Variants in DPYD observed in about 807,000 individuals in gnomAD.
DPYD encodes the protein dihydropyrimidine dehydrogenase [NADP(+)].
DPYD carries 109 observed loss-of-function variants against 116.2 expected under a neutral mutation model. The ratio of observed to expected loss-of-function variants is 0.94; its 90% CI spans 0.80 to 1.10. DPYD has a LOEUF of 1.10. Among genes scored for constraint, DPYD ranks in the 50% least tolerant of loss-of-function variants. The pLI, the probability that DPYD is intolerant of heterozygous loss-of-function variation, is 0.00. For missense variants in DPYD, 1,302 were observed against 1,254.5 expected (o/e 1.04, Z -0.57); for synonymous variants, 440 against 432.0 (o/e 1.02, Z -0.23).
chr1:97,374,517 G>A (rs1385990507), intron 15 of DPYD, among the ~76,000 whole-genome samples: 1 of 151,706 alleles, frequency 6.6e-6, no homozygotes, highest in Non-Finnish European at 1.5e-5. Flanking sequence ...TCAGGAGATC[G>A]AGATCATCCT....
chr1:97,316,327 TA>T (rs143551505), intron 16 of DPYD, among the ~76,000 whole-genome samples: 30,298 of 141,302 alleles, frequency 0.21, 3,311 homozygotes, highest in Middle Eastern at 0.27. Context: ...TTGTCTCTAG[TA>T]AAAGTAAAAA....
chr1:97,694,213 G>A (rs1302736534), intron 6 of DPYD, among the ~76,000 whole-genome samples: 1 of 152,182 alleles, frequency 6.6e-6, no homozygotes, highest in East Asian at 1.9e-4. Context: ...GCAAATCAGA[G>A]AAATATGAAA....
At chr1:97,263,624 A>T (rs183791741) in intron 18 of DPYD, among the ~76,000 whole-genome samples, 1 of 152,268 alleles carries the variant, frequency 6.6e-6, no homozygotes, top group East Asian at 1.9e-4. Flanking sequence ...AGTGGGAATC[A>T]GTAGTACACT....
chr1:97,107,435 T>A (rs1651250626), intron 20 of DPYD, among the ~76,000 whole-genome samples: 1 of 152,018 alleles, frequency 6.6e-6, no homozygotes, highest in Non-Finnish European at 1.5e-5. Flanking sequence ...TTTGTAGAGA[T>A]GATGAGGTAG....
At chr1:97,503,079 C>T (rs1679680682) in intron 13 of DPYD, among the ~76,000 whole-genome samples, 1 of 151,980 alleles carries the variant, frequency 6.6e-6, no homozygotes, top group Non-Finnish European at 1.5e-5. Context: ...TAATTTAAAA[C>T]TTAAGAGTAT....
intron 14 of DPYD, among the ~76,000 whole-genome samples, chr1:97,437,408 T>G (rs1212166699): frequency 6.6e-6 from 1 of 151,940 alleles, no homozygotes; most frequent in African/African-American, 2.4e-5. Flanking sequence ...TGATATTTCA[T>G]AGTATGAATA....
intron 18 of DPYD, among the ~76,000 whole-genome samples, chr1:97,295,053 C>T (rs935960756): frequency 6.6e-6 from 1 of 152,054 alleles, no homozygotes. Flanking sequence ...AATAAAAATG[C>T]CTAAAAGTTC....
intron 3 of DPYD, among the ~76,000 whole-genome samples, chr1:97,805,134 C>T (rs1457443138): frequency 6.6e-6 from 1 of 151,872 alleles, no homozygotes; most frequent in African/African-American, 2.4e-5. Context: ...AGGAGACCAA[C>T]TAAAAGGCAA....
intron 2 of DPYD, among the ~76,000 whole-genome samples, chr1:97,872,408 A>G (rs1671700274): frequency 6.6e-6 from 1 of 151,996 alleles, no homozygotes; most frequent in South Asian, 2.1e-4. Context: ...CTGATGGCTG[A>G]CAATTACAAA....
chr1:97,729,914 G>T (rs1663491206), intron 4 of DPYD, among the ~76,000 whole-genome samples: 1 of 152,036 alleles, frequency 6.6e-6, no homozygotes, highest in African/African-American at 2.4e-5. Flanking sequence ...CCTCTATATT[G>T]TTCTAGCTAA....
intron 13 of DPYD, among the ~76,000 whole-genome samples, chr1:97,508,692 T>C (rs939594038): frequency 6.6e-6 from 1 of 151,886 alleles, no homozygotes; most frequent in Non-Finnish European, 1.5e-5. Flanking sequence ...GAGGATACAT[T>C]ATGTAAAAGC....
intron 4 of DPYD, among the ~76,000 whole-genome samples, chr1:97,736,220 T>G (rs1030965737): frequency 3.9e-5 from 6 of 152,044 alleles, no homozygotes; most frequent in Admixed American, 3.9e-4. Flanking sequence ...ATAATTAGAC[T>G]TCCATTCATT....
At chr1:97,580,993 C>T (rs138175038) in intron 10 of DPYD, among the ~76,000 whole-genome samples, 2 of 152,152 alleles carry the variant, frequency 1.3e-5, no homozygotes, top group Non-Finnish European at 2.9e-5. Context: ...CTTGCTAAAA[C>T]TGCACTTTAT....
chr1:97,234,739 T>C (rs1661791403), intron 19 of DPYD, 113 bp downstream of exon 19: 2 of 1,315,068 alleles, frequency 1.5e-6, no homozygotes, highest in East Asian at 2.5e-5. Flanking sequence ...TGATCCCAAA[T>C]GGCCTCCTTT....
chr1:97,828,144 C>T lies in DPYD; in HGVS notation c.203G>A (p.Gly68Asp), dbSNP rs1444666147. ...TGCTTCTCGGAGAGCTCCTCGCTCA[C>T]CAAGAGTCGTGTGCTTGATGTCATC... ...NFDDIKHTTL[G>D]ERGALREAMR... Residue 68 changes from glycine to aspartate, a missense_variant, in exon 3 of 23, where the codon GGT becomes GAT. Gly to Asp is a moderately conservative substitution (Grantham distance 94). Coordinates refer to ENST00000370192, the MANE Select transcript of DPYD (RefSeq NM_000110.4). 4 of 1,613,744 alleles carry T rather than the reference C, an allele frequency of 2.5e-6. No homozygotes were observed. Among genetic ancestry groups the T allele is most frequent in the East Asian group, 4.5e-5 (2 of 44,856 alleles).
rs72734007 is a variant in DPYD, at chr1:97,655,321, A to T, written c.850+23774T>A. On this transcript the variant is annotated intron_variant, in intron 8 of 22. Transcript: ENST00000370192. ...AAAATTACTGCACAGCTCACACAAA[A>T]GTATGTACATCTTTTTCCTTAGAGG... Among the ~76,000 whole-genome samples the T allele has an allele frequency of 4.0e-3, 604 of 152,306 alleles. 1 individual carries two copies. Among genetic ancestry groups the T allele is most frequent in the African/African-American group, 0.014 (575 of 41,558 alleles).
At chr1:97,844,565 G>A (rs1670196913) in intron 2 of DPYD, among the ~76,000 whole-genome samples, 1 of 152,198 alleles carries the variant, frequency 6.6e-6, no homozygotes, top group Non-Finnish European at 1.5e-5. Flanking sequence ...GGAGGTGCTG[G>A]TGATAACAGC....
intron 15 of DPYD, among the ~76,000 whole-genome samples, chr1:97,377,165 T>C (rs1671683037): frequency 6.6e-6 from 1 of 151,880 alleles, no homozygotes; most frequent in Admixed American, 6.6e-5. Flanking sequence ...AGAAGAGTTC[T>C]AGGGAGATGT....
intron 8 of DPYD, among the ~76,000 whole-genome samples, chr1:97,616,974 C>T (rs1656322838): frequency 6.6e-6 from 1 of 152,008 alleles, no homozygotes; most frequent in Admixed American, 6.6e-5. Context: ...CAACCTCCGC[C>T]TCCCGGGTTC....
Sources: gnomAD v4.1 joint callset for allele counts (sites outside exome capture counted in the v4.1 genomes callset) on GRCh38, gnomAD v4.1.1 for gene constraint, MANE v1.5 for transcripts, NCBI Gene and HGNC (gene_info 2026-07-23, HGNC 2026-07-21) for gene names.